The following PVT1 variants were observed in gnomAD, a reference collection of about 807,000 sequenced individuals.
PVT1 encodes CXCR4/PVT1 fusion.
At chr8:128,081,739 A>C (rs889572084) in intron 5 of PVT1, among the ~76,000 whole-genome samples, 2 of 152,206 alleles carry the variant, frequency 1.3e-5, no homozygotes, top group Non-Finnish European at 2.9e-5. Context: ...ACTGAATACC[A>C]ATAATGGAAA....
At chr8:127,976,554 C>T (rs1444059585) in intron 3 of PVT1, among the ~76,000 whole-genome samples, 1 of 152,142 alleles carries the variant, frequency 6.6e-6, no homozygotes, top group East Asian at 1.9e-4. Flanking sequence ...TCTTGACCCC[C>T]TAGGGATTTG....
intron 2 of PVT1, among the ~76,000 whole-genome samples, chr8:127,876,480 A>C (rs868221253): frequency 6.7e-6 from 1 of 149,912 alleles, no homozygotes; most frequent in African/African-American, 2.5e-5. Flanking sequence ...TTTTTAATAC[A>C]GTGAATTTGT....
intron 2 of PVT1, among the ~76,000 whole-genome samples, chr8:127,889,032 CTT>C (rs770579078): frequency 0.068 from 4,642 of 67,970 alleles, 213 homozygotes; most frequent in East Asian, 0.14. Flanking sequence ...TCCTTTCTCT[CTT>C]TCTTTCTTCC....
At chr8:127,839,574 G>GAAAAAAAAAAAAAAAAAAAAAA (rs61194690) in intron 2 of PVT1, among the ~76,000 whole-genome samples, 3 of 134,338 alleles carry the variant, frequency 2.2e-5, no homozygotes, top group Non-Finnish European at 3.2e-5. Flanking sequence ...AAAAAAAAAT[G>GAAAAAAAAAAAAAAAAAAAAAA]AAAAAAAAAA....
At chr8:127,900,106 A>G (rs188021137) in intron 3 of PVT1, among the ~76,000 whole-genome samples, 13 of 151,954 alleles carry the variant, frequency 8.6e-5, no homozygotes, top group African/African-American at 2.4e-4. Context: ...CAGTGGTGCA[A>G]TCTCAGCTCA....
In PVT1 at chr8:128,085,315, C is replaced by T. The variant is rs184285505; in HGVS notation, n.1115-11203C>T. 9.2e-3 allele frequency among the ~76,000 whole-genome samples: 1,407 copies of T among 152,220 alleles called. 13 individuals carry two copies. Among genetic ancestry groups the T allele is most frequent in the Non-Finnish European group, 0.013 (890 of 68,020 alleles). Reference sequence around the variant, plus strand: ...TCTGACTACAAGGGCATGGAAAACTCCAAGTGAGAAGCACCCAGCCAAGCC... The same window carrying T: ...TCTGACTACAAGGGCATGGAAAACTTCAAGTGAGAAGCACCCAGCCAAGCC... On this transcript the variant is annotated intron_variant and non_coding_transcript_variant, in intron 5 of 10. Transcript: ENST00000651587.
chr8:127,857,340 A>G (rs1234144646), intron 2 of PVT1, among the ~76,000 whole-genome samples: 1 of 152,066 alleles, frequency 6.6e-6, no homozygotes, highest in Non-Finnish European at 1.5e-5. Flanking sequence ...TGACTTGGTT[A>G]TAAGAAGAGG....
At chr8:127,896,963 C>T (rs775536826) in intron 3 of PVT1, among the ~76,000 whole-genome samples, 15 of 152,158 alleles carry the variant, frequency 9.9e-5, no homozygotes, top group Non-Finnish European at 1.8e-4. Flanking sequence ...TGGCTGACCT[C>T]ACCCCATGAA....
At chr8:127,882,185 G>T (rs1815476252) in intron 2 of PVT1, among the ~76,000 whole-genome samples, 1 of 152,182 alleles carries the variant, frequency 6.6e-6, no homozygotes, top group Non-Finnish European at 1.5e-5. Flanking sequence ...TGAGGAATCG[G>T]GTGAGTGTGA....
At chr8:127,812,012 C>T (rs942580841) in intron 2 of PVT1, among the ~76,000 whole-genome samples, 3 of 150,994 alleles carry the variant, frequency 2.0e-5, no homozygotes, top group African/African-American at 4.9e-5. Flanking sequence ...GAGGCCGAGG[C>T]GGGAGGATCA....
intron 2 of PVT1, among the ~76,000 whole-genome samples, chr8:127,817,491 G>A (rs56131255): frequency 0.91 from 96,359 of 106,004 alleles, 46,395 homozygotes; most frequent in East Asian, 0.95. Flanking sequence ...GTGTGTGTGT[G>A]TATATACATA....
chr8:127,917,515 G>A (rs1460291767), intron 3 of PVT1, among the ~76,000 whole-genome samples: 7 of 152,234 alleles, frequency 4.6e-5, no homozygotes, highest in Admixed American at 4.6e-4. Context: ...AACCATATCA[G>A]TGACCTCAAG....
chr8:127,896,784 C>G (rs938905636), intron 3 of PVT1, among the ~76,000 whole-genome samples: 21 of 149,876 alleles, frequency 1.4e-4, no homozygotes, highest in Middle Eastern at 3.4e-3. Flanking sequence ...TCCCCCCCCC[C>G]GCCCCCGACC....
intron 3 of PVT1, among the ~76,000 whole-genome samples, chr8:127,972,320 AG>A (rs1468011641): frequency 6.6e-6 from 1 of 152,232 alleles, no homozygotes; most frequent in Non-Finnish European, 1.5e-5. Flanking sequence ...AGCAGCAGGC[AG>A]GGAGTTGGGG....
At chr8:127,976,573 A>T (rs2129972256) in intron 3 of PVT1, among the ~76,000 whole-genome samples, 1 of 152,300 alleles carries the variant, frequency 6.6e-6, no homozygotes, top group South Asian at 2.1e-4. Context: ...TGTGGAGTAC[A>T]GTTGGAAAGG....
intron 3 of PVT1, among the ~76,000 whole-genome samples, chr8:127,899,801 C>T (rs1383353624): frequency 6.6e-6 from 1 of 152,188 alleles, no homozygotes; most frequent in Non-Finnish European, 1.5e-5. Context: ...CTGGAGCTCT[C>T]TGGCTTCCTT....
chr8:127,985,422 C>T (rs10097984), intron 3 of PVT1, among the ~76,000 whole-genome samples: 18,622 of 151,372 alleles, frequency 0.12, 1,491 homozygotes, highest in Non-Finnish European at 0.17. Flanking sequence ...CCACTGTGCC[C>T]GGCTGAGTAG....
chr8:127,795,695 G>T (rs895369040), intron 1 of PVT1: 4 of 152,202 alleles, frequency 2.6e-5, no homozygotes, highest in African/African-American at 7.2e-5. Context: ...GTGGGCGGGG[G>T]CCCTGAGGAT....
At chr8:127,936,390 G>A (rs968902299) in intron 3 of PVT1, among the ~76,000 whole-genome samples, 3 of 152,082 alleles carry the variant, frequency 2.0e-5, no homozygotes, top group East Asian at 1.9e-4. Context: ...GCCCTGAAGC[G>A]CCCAGGCTAG....
Sources: allele counts gnomAD v4.1 joint callset (sites outside exome capture counted in the v4.1 genomes callset), GRCh38; gene constraint gnomAD v4.1.1; transcripts MANE v1.5; gene names NCBI Gene and HGNC (gene_info 2026-07-23, HGNC 2026-07-21).